The following DTX4 variants were observed in gnomAD, a reference collection of about 807,000 sequenced individuals.
DTX4 encodes the protein E3 ubiquitin-protein ligase DTX4.
DTX4 carries 28 observed loss-of-function variants against 57.6 expected under a neutral mutation model. The ratio of observed to expected loss-of-function variants is 0.49; its 90% CI spans 0.36 to 0.67. The LOEUF (loss-of-function observed/expected upper bound fraction) is 0.67. Ranked by LOEUF, DTX4 falls within the 30% of genes least tolerant of loss-of-function variation. The pLI is 0.00. For synonymous variants in DTX4, 316 were observed against 331.0 expected, an observed-to-expected ratio of 0.95 and a Z score of 0.49; for missense variants, 715 against 836.8, an observed-to-expected ratio of 0.85 and a Z score of 1.80.
chr11:59,204,602 T>A, intron 8 of DTX4, 74 bp from the exon 9 acceptor site: 1 of 1,371,704 alleles, frequency 7.3e-7, no homozygotes. Context: ...TTGGGAGGAT[T>A]CTCTACCGTC....
At chr11:59,193,043 C>T (rs1308490412) in intron 6 of DTX4, among the ~76,000 whole-genome samples, 1 of 152,194 alleles carries the variant, frequency 6.6e-6, no homozygotes, top group Non-Finnish European at 1.5e-5. Flanking sequence ...GCTTAGATTA[C>T]ATCAGAGTCT....
intron 2 of DTX4, among the ~76,000 whole-genome samples, chr11:59,186,972 C>A (rs1023053049): frequency 6.6e-6 from 1 of 152,202 alleles, no homozygotes; most frequent in African/African-American, 2.4e-5. Context: ...ACATCCATCT[C>A]CCAGCATTGG....
chr11:59,199,609 T>C (rs1862715822), intron 7 of DTX4, 75 bp from the exon 8 acceptor site: 2 of 1,111,710 alleles, frequency 1.8e-6, no homozygotes, highest in Admixed American at 2.2e-5. Context: ...TTATTGAAAT[T>C]AGTCACAGCC....
intron 1 of DTX4, 34 bp from the exon 2 acceptor site, chr11:59,181,705 T>C (rs777782871): frequency 2.6e-6 from 4 of 1,554,346 alleles, no homozygotes; most frequent in Non-Finnish European, 3.5e-6. Flanking sequence ...AATTGCATGC[T>C]GACTCTGACC....
At position 59,204,867 on chromosome 11, in the gene DTX4, C is replaced by T. The variant is rs763323249; in HGVS notation, c.1818C>T (p.Ala606=). 46 of 1,599,220 alleles carry T rather than the reference C, an allele frequency of 2.9e-5. No homozygotes were observed. The East Asian group carries it at 9.7e-4, about 34-fold the overall frequency. ...ATAATGTGCTGGCTGAACTGGCTGC[C>T]CAGGGCATCTCTGAGGACAGCACTG... The part of the protein sequence containing the change: ...YLDNVLAELA[A]QGISEDSTAQ... The change falls in exon 9 of 9, where the codon GCC becomes GCT. Residue 606 remains alanine (A), a synonymous_variant. Transcript: ENST00000227451.
chr11:59,192,943 G>A (rs1198517593), intron 6 of DTX4, among the ~76,000 whole-genome samples: 2 of 152,190 alleles, frequency 1.3e-5, no homozygotes, highest in African/African-American at 4.8e-5. Context: ...CAGTGTCTGA[G>A]CATTTCCTAA....
At chr11:59,177,985 A>G (rs1306302268) in intron 1 of DTX4, among the ~76,000 whole-genome samples, 1 of 152,200 alleles carries the variant, frequency 6.6e-6, no homozygotes, top group Non-Finnish European at 1.5e-5. Flanking sequence ...ATATTCATCA[A>G]ATTAGCCACA....
rs1214179366 is a variant in DTX4 at position 59,172,483 on chromosome 11, G to C, written c.-113G>C. 1.0e-5 allele frequency: 5 copies of C among 486,776 alleles called. No homozygotes were observed. Among genetic ancestry groups the C allele is most frequent in the Non-Finnish European group, 1.4e-5 (5 of 348,072 alleles). The allele number at this position is 486,776 out of a possible 1,614,324, so 30.2% of individuals were successfully genotyped here. On this transcript the variant is annotated 5_prime_UTR_variant, in exon 1 of 9. Coordinates refer to ENST00000227451, the MANE Select transcript of DTX4 (RefSeq NM_015177.2). ...GAGGCTGCCCGGGGCGGCGGGGCGC[G>C]GGGCAGGGGGCGCGGTCGAGGCCCG...
intron 8 of DTX4, among the ~76,000 whole-genome samples, chr11:59,202,401 A>G (rs572210783): frequency 2.0e-5 from 3 of 152,354 alleles, no homozygotes; most frequent in East Asian, 1.9e-4. Flanking sequence ...GATGATTTGC[A>G]TCTGTATGGA....
At chr11:59,171,743 C>A (rs1165322267), upstream of DTX4, among the ~76,000 whole-genome samples, 1 of 151,916 alleles carries the variant, frequency 6.6e-6, no homozygotes, top group South Asian at 2.1e-4. Flanking sequence ...CGTGTGTGTG[C>A]GACTGTGAGT....
At position 59,172,740 on chromosome 11, in the gene DTX4, G is replaced by C. The variant is rs1357119495; in HGVS notation, c.145G>C (p.Val49Leu). The change falls in exon 1 of 9, where the codon GTG becomes CTG. Residue 49 changes from valine (V) to leucine (L), a missense_variant. Coordinates refer to ENST00000227451, the MANE Select transcript of DTX4 (RefSeq NM_015177.2). ...GGGGGGCAGCGTGGTGCTGGGCCAGGTGGACAGCCGTCTCGCGCCCTACAT... is the reference window on the plus strand; with the variant it reads ...GGGGGGCAGCGTGGTGCTGGGCCAGCTGGACAGCCGTCTCGCGCCCTACAT... ...RAGGSVVLGQ[V>L]DSRLAPYIID... 1.2e-6 allele frequency: 2 copies of C among 1,604,196 alleles called. No homozygotes were observed. Among genetic ancestry groups the C allele is most frequent in the African/African-American group, 2.7e-5 (2 of 74,412 alleles).
In DTX4 at chr11:59,193,900, A is replaced by T. The variant is rs1001885348; in HGVS notation, c.1375-1308A>T. 2.6e-5 allele frequency among the ~76,000 whole-genome samples: 4 copies of T among 152,312 alleles called. No homozygotes were observed. The Middle Eastern group carries it at 0.014, about 518-fold the overall frequency. ...TCCCTGTCTTCCCGAGGAGTTGGGGATGTCCTGGCAAGCTTTCATCCCAGC... is the reference window on the plus strand; with the variant it reads ...TCCCTGTCTTCCCGAGGAGTTGGGGTTGTCCTGGCAAGCTTTCATCCCAGC... On this transcript the variant is annotated intron_variant, in intron 6 of 8. Coordinates refer to ENST00000227451, the MANE Select transcript of DTX4 (RefSeq NM_015177.2).
chr11:59,189,360 AAGACTTGGCTGTC>A (rs1862568758), intron 4 of DTX4, 37 bp downstream of exon 4: 2 of 1,493,614 alleles, frequency 1.3e-6, no homozygotes, highest in Non-Finnish European at 1.8e-6. Flanking sequence ...CTGAGAGTCA[AAGACTTGGCTGTC>A]AGCCCTGAGT....
intron 1 of DTX4, among the ~76,000 whole-genome samples, chr11:59,176,490 G>A (rs929597005): frequency 1.3e-4 from 20 of 152,238 alleles, no homozygotes; most frequent in Non-Finnish European, 1.9e-4. Flanking sequence ...ACTATTTAGC[G>A]CAGTCACTGT....
At chr11:59,177,744 C>T (rs563250832) in intron 1 of DTX4, among the ~76,000 whole-genome samples, 3 of 152,334 alleles carry the variant, frequency 2.0e-5, no homozygotes, top group Non-Finnish European at 4.4e-5. Context: ...GAAACACTGT[C>T]CTTTGCCATT....
At chr11:59,177,188 C>T (rs1862405947) in intron 1 of DTX4, among the ~76,000 whole-genome samples, 1 of 152,178 alleles carries the variant, frequency 6.6e-6, no homozygotes, top group South Asian at 2.1e-4. Context: ...TGTAGCCCAA[C>T]AGCTGAAATT....
chr11:59,188,726 C>G lies in DTX4; in HGVS notation c.936-9C>G. 6.2e-7 allele frequency: 1 copy of G among 1,613,198 alleles called. No homozygotes were observed. Among genetic ancestry groups the G allele is most frequent in the Non-Finnish European group, 8.5e-7 (1 of 1,179,212 alleles). ...AAAATGACATTGTATCTGCTCTTTC[C>G]TTTCACAGGGTCCCCACAGTCCCAG... is the stretch of plus-strand genomic sequence containing the variant. On this transcript the variant is annotated splice_polypyrimidine_tract_variant and intron_variant, in intron 2 of 8. Coordinates refer to ENST00000227451, the MANE Select transcript of DTX4 (RefSeq NM_015177.2).
At position 59,192,190 on chromosome 11, in the gene DTX4, C is replaced by G. The variant is rs1437443766; in HGVS notation, c.1314C>G (p.Ser438=). 5.0e-6 allele frequency: 8 copies of G among 1,613,994 alleles called. No individual in the cohort carries two copies. The highest frequency in any genetic ancestry group is 6.8e-6 in the Non-Finnish European group (8 of 1,179,900). Residue 438 remains serine (S), a synonymous_variant, in exon 6 of 9, where the codon TCC becomes TCG. Transcript: ENST00000227451. ...TVKPDLVGKL[S]RCGHVYHIYC... ...AACCTGACCTGGTAGGGAAGCTGTC[C>G]AGATGCGGCCACGTCTACCACATCT... is the stretch of plus-strand genomic sequence containing the variant.
chr11:59,193,563 C>T (rs1862626004), intron 6 of DTX4, among the ~76,000 whole-genome samples: 1 of 152,092 alleles, frequency 6.6e-6, no homozygotes, highest in South Asian at 2.1e-4. Flanking sequence ...CACATTTGTT[C>T]CCTATTTGAT....
Sources: gnomAD v4.1 joint callset for allele counts (sites outside exome capture counted in the v4.1 genomes callset) on GRCh38, gnomAD v4.1.1 for gene constraint, MANE v1.5 for transcripts, NCBI Gene and HGNC (gene_info 2026-07-23, HGNC 2026-07-21) for gene names.